Variants in KCNQ2 observed in about 807,000 individuals in gnomAD.
KCNQ2 encodes the protein potassium voltage-gated channel subfamily KQT member 2.
In KCNQ2, 14 loss-of-function variants were observed where a neutral mutation model predicts 84.8. The ratio of observed to expected loss-of-function variants is 0.17; its 90% confidence interval spans 0.11 to 0.26. The LOEUF (loss-of-function observed/expected upper bound fraction) is 0.26. KCNQ2 is among the 10% of genes least tolerant of loss of function. The pLI is 1.00. For missense variants in KCNQ2, 788 were observed against 1,254.0 expected (o/e 0.63, Z 5.61); for synonymous variants, 599 against 554.1 (o/e 1.08, Z -1.14).
chr20:63,428,532 G>A (rs2080700538), intron 9 of KCNQ2, 97 bp from the exon 10 acceptor site: 2 of 1,057,952 alleles, frequency 1.9e-6, no homozygotes, highest in Admixed American at 4.0e-5. Flanking sequence ...GGCGCCTGCA[G>A]TGTCAGACAC....
intron 11 of KCNQ2, among the ~76,000 whole-genome samples, chr20:63,419,886 T>G (rs1041170527): frequency 8.7e-6 from 1 of 115,364 alleles, no homozygotes; most frequent in Non-Finnish European, 1.6e-5. Context: ...AAAATCCCTG[T>G]TTTTTTTTTC....
chr20:63,415,629 G>A (rs1427603738), intron 12 of KCNQ2, among the ~76,000 whole-genome samples: 4 of 152,092 alleles, frequency 2.6e-5, no homozygotes, highest in African/African-American at 9.7e-5. Context: ...TTGGCCATGT[G>A]GGGAGAGTTG....
At chr20:63,464,262 G>A (rs1445553951) in intron 1 of KCNQ2, among the ~76,000 whole-genome samples, 1 of 152,020 alleles carries the variant, frequency 6.6e-6, no homozygotes, top group Non-Finnish European at 1.5e-5. Context: ...GGCAGCTGGT[G>A]GCCAGAGAGA....
At position 63,407,325 on chromosome 20, in the gene KCNQ2, C is replaced by G; in HGVS notation, c.1938G>C (p.Gln646His). 1 of 1,597,296 alleles carries G rather than the reference C, an allele frequency of 6.3e-7. No homozygotes were observed. Among genetic ancestry groups the G allele is most frequent in the Non-Finnish European group, 8.5e-7 (1 of 1,178,988 alleles). Reference sequence around the variant, plus strand: ...TCTCTGTCGGGGGGATGCCCATCCGCTGCATGTAGATATTCACCAGGAAGT... The same window carrying G: ...TCTCTGTCGGGGGGATGCCCATCCGGTGCATGTAGATATTCACCAGGAAGT... ...KLDFLVNIYM[Q>H]RMGIPPTETE... The change falls in exon 17 of 17, where the codon CAG becomes CAC. Residue 646 changes from glutamine to histidine, a missense_variant. Transcript: ENST00000359125. This position sits in a 1 kb window ranked among gnomAD's most constrained non-coding sequence, Gnocchi z 7.2.
chr20:63,445,946 G>C (rs1397716487), intron 2 of KCNQ2, among the ~76,000 whole-genome samples: 1 of 119,608 alleles, frequency 8.4e-6, no homozygotes, highest in African/African-American at 3.1e-5. Flanking sequence ...CCCTGTCTGA[G>C]CTGGGAGGCC....
intron 10 of KCNQ2, among the ~76,000 whole-genome samples, chr20:63,427,532 G>C (rs1246620177): frequency 6.6e-6 from 1 of 152,270 alleles, no homozygotes; most frequent in African/African-American, 2.4e-5. Flanking sequence ...CCAAAATCAA[G>C]GTGCGGGCGG....
At chr20:63,431,301 CA>C in intron 9 of KCNQ2, 38 bp downstream of exon 9, 1 of 1,452,040 alleles carries the variant, frequency 6.9e-7, no homozygotes, top group African/African-American at 1.4e-5. Flanking sequence ...GAACTAGAAC[CA>C]CACACACACA....
chr20:63,451,171 A>T (rs1291028201), intron 1 of KCNQ2, among the ~76,000 whole-genome samples: 1 of 151,904 alleles, frequency 6.6e-6, no homozygotes, highest in African/African-American at 2.4e-5. Context: ...ACAAACAAAA[A>T]AATGAAGACC....
intron 15 of KCNQ2, among the ~76,000 whole-genome samples, chr20:63,412,530 T>C (rs2080151271): frequency 6.6e-6 from 1 of 152,150 alleles, no homozygotes; most frequent in African/African-American, 2.4e-5. Context: ...AGGAGTGGGC[T>C]AAGGCCTGGA....
intron 11 of KCNQ2, among the ~76,000 whole-genome samples, chr20:63,421,384 CG>C (rs2145598509): frequency 1.3e-5 from 2 of 152,312 alleles, no homozygotes; most frequent in East Asian, 3.9e-4. Flanking sequence ...GTCTGAGAGC[CG>C]GGGAGAGCTG....
intron 7 of KCNQ2, chr20:63,434,203 T>A: frequency 2.2e-6 from 1 of 459,350 alleles, no homozygotes; most frequent in Non-Finnish European, 3.9e-6. Context: ...TTCCTTTTCA[T>A]GACTCTTACC....
At chr20:63,432,808 TCAGGGAAGGCTCCACCCTCTGGGAAGGCC>T (rs2080865136) in intron 8 of KCNQ2, among the ~76,000 whole-genome samples, 2 of 80,600 alleles carry the variant, frequency 2.5e-5, no homozygotes, top group African/African-American at 3.9e-5. Flanking sequence ...GGCCCCACCC[TCAGGGAAGGCTCCACCCTCTGGGAAGGCC>T]CCACCCCCAG....
intron 8 of KCNQ2, among the ~76,000 whole-genome samples, chr20:63,433,193 G>A (rs919484221): frequency 1.3e-5 from 2 of 152,206 alleles, no homozygotes; most frequent in African/African-American, 2.4e-5. Flanking sequence ...GACCACACAG[G>A]CTCACAGGAC....
chr20:63,462,358 C>T (rs542305989), intron 1 of KCNQ2, among the ~76,000 whole-genome samples: 1 of 150,914 alleles, frequency 6.6e-6, no homozygotes, highest in Non-Finnish European at 1.5e-5. Context: ...CCCCAGGGAG[C>T]AGGGAGGAGG....
intron 1 of KCNQ2, among the ~76,000 whole-genome samples, chr20:63,464,431 T>C (rs574468835): frequency 6.6e-6 from 1 of 152,044 alleles, no homozygotes; most frequent in Non-Finnish European, 1.5e-5. Context: ...AGAAGGGACA[T>C]GAAGCTCTGT....
At chr20:63,420,114 C>G (rs2080421472) in intron 11 of KCNQ2, among the ~76,000 whole-genome samples, 1 of 152,202 alleles carries the variant, frequency 6.6e-6, no homozygotes, top group Admixed American at 6.5e-5. Context: ...CTTTGCAAAC[C>G]AATCGGCGAC....
chr20:63,443,307 C>T (rs1600777037), intron 4 of KCNQ2, among the ~76,000 whole-genome samples: 3 of 89,282 alleles, frequency 3.4e-5, no homozygotes, highest in South Asian at 7.7e-4. Flanking sequence ...ACCACCATCA[C>T]CATCATCACC....
At chr20:63,434,390 C>T (rs2080926501) in intron 7 of KCNQ2, 2 of 172,616 alleles carry the variant, frequency 1.2e-5, no homozygotes, top group Admixed American at 6.1e-5. Flanking sequence ...CTGAACCTCG[C>T]CTGGCTGGAT....
At chr20:63,454,509 G>A (rs1170956452) in intron 1 of KCNQ2, among the ~76,000 whole-genome samples, 2 of 152,234 alleles carry the variant, frequency 1.3e-5, no homozygotes, top group Non-Finnish European at 2.9e-5. Flanking sequence ...GTGGCTCCAG[G>A]CCCCAGGACA....
Sources: gnomAD v4.1 joint callset for allele counts (sites outside exome capture counted in the v4.1 genomes callset) on GRCh38, gnomAD v4.1.1 for gene constraint, Gnocchi (gnomAD v3.1) non-coding constraint, MANE v1.5 for transcripts, NCBI Gene and HGNC (gene_info 2026-07-23, HGNC 2026-07-21) for gene names.